The following USP28 variants were observed in gnomAD, a reference collection of about 807,000 sequenced individuals.
USP28 encodes the protein ubiquitin carboxyl-terminal hydrolase 28.
USP28 carries 113 observed loss-of-function variants against 145.0 expected under a neutral mutation model. That is an observed-to-expected ratio of 0.78 (90% CI 0.67 to 0.91). The LOEUF is 0.91. USP28 is among the 40% of genes least tolerant of loss of function. The probability of loss-of-function intolerance (pLI) is 0.00; values close to 1 mark genes in which losing one functional copy is unlikely to be tolerated. For missense variants in USP28, 1,201 were observed against 1,289.6 expected, an observed-to-expected ratio of 0.93 and a Z score of 1.05; for synonymous variants, 447 against 450.9, an observed-to-expected ratio of 0.99 and a Z score of 0.11.
rs144510871 is a variant in USP28 at position 113,832,213 on chromosome 11, G to C, written c.760-220C>G. On this transcript the variant is annotated intron_variant, in intron 7 of 24. Transcript: ENST00000003302. ...CAGCCTCCACCTCCCAGATTCAAGC[G>C]ATTCTCCTGCCTCAGCCTCCCAAGT... Among the ~76,000 whole-genome samples the C allele has an allele frequency of 4.5e-3, 682 of 152,136 alleles. 7 individuals are homozygous for C. Among genetic ancestry groups the C allele is most frequent in the African/African-American group, 0.016 (644 of 41,514 alleles).
At chr11:113,874,942 A>G in intron 1 of USP28, 20 of 403,038 alleles carry the variant, frequency 5.0e-5, no homozygotes, top group Non-Finnish European at 6.0e-5. Flanking sequence ...CCGGGTTGGG[A>G]GGGAGGGAAG....
chr11:113,830,917 G>T, exon 9 of USP28: 2 of 1,613,978 alleles, frequency 1.2e-6, no homozygotes, highest in Non-Finnish European at 1.7e-6. Context: ...CTGCACCATT[G>T]GATTTTCAGA....
chr11:113,831,098 A>T (rs1156449481), intron 8 of USP28, 155 bp from the exon 9 acceptor site: 1 of 661,406 alleles, frequency 1.5e-6, no homozygotes, highest in Non-Finnish European at 2.6e-6. Flanking sequence ...TTCAGTTCAA[A>T]TATTTATTGA....
Position 113,837,179 on chromosome 11 carries a change from G to T in USP28, c.535-2844C>A, listed in dbSNP as rs551450351. On this transcript the variant is annotated intron_variant, in intron 5 of 24. Coordinates refer to ENST00000003302, the Ensembl canonical transcript of USP28. ...TTTTATTCAGCTAGTTCATCATTCT[G>T]TTAGTTTTTAGTTTACTGTTCATTT... is the stretch of plus-strand genomic sequence containing the variant. Among the ~76,000 whole-genome samples the T allele has an allele frequency of 3.3e-5, 5 of 152,268 alleles. No homozygotes were observed. In the South Asian group the frequency reaches 1.0e-3, roughly 32 times the overall value.
rs746646337 is a variant in USP28, at chr11:113,815,155, A to C, written c.1672+19T>G. The C allele has an allele frequency of 1.2e-6, 2 of 1,608,124 alleles. No homozygotes were observed. The highest frequency in any genetic ancestry group is 1.7e-6 in the Non-Finnish European group (2 of 1,178,232). On this transcript the variant is annotated intron_variant, in intron 14 of 24. Coordinates refer to ENST00000003302, the Ensembl canonical transcript of USP28. ...ACAGAAAAAGCAAAGAGTAACTGAC[A>C]AATTTTAAAAGAGCCAACCTTGTAT...
At chr11:113,818,842 C>T (rs1383592017) in intron 12 of USP28, among the ~76,000 whole-genome samples, 1 of 149,054 alleles carries the variant, frequency 6.7e-6, no homozygotes, top group Non-Finnish European at 1.5e-5. Flanking sequence ...GCCTGAGTGA[C>T]AGAGTGAGAC....
intron 1 of USP28, among the ~76,000 whole-genome samples, chr11:113,871,160 G>T (rs1029097025): frequency 6.6e-6 from 1 of 152,256 alleles, no homozygotes; most frequent in Middle Eastern, 3.4e-3. Context: ...ATCAACACGA[G>T]GTCATTGAAC....
chr11:113,839,970 C>T (rs899449347), intron 5 of USP28, among the ~76,000 whole-genome samples: 1 of 152,096 alleles, frequency 6.6e-6, no homozygotes, highest in Admixed American at 6.5e-5. Flanking sequence ...GAGCTGAGAT[C>T]GCACCACTGT....
intron 13 of USP28, 132 bp from the exon 14 acceptor site, chr11:113,815,514 C>A (rs898763600): frequency 1.3e-6 from 1 of 769,592 alleles, no homozygotes; most frequent in Non-Finnish European, 2.1e-6. Context: ...TATAAAGGTA[C>A]AGAGCCAACC....
At position 113,812,417 on chromosome 11, in the gene USP28, G is replaced by A; in HGVS notation, c.1831C>T (p.Gln611Ter). The A allele has an allele frequency of 6.2e-7, 1 of 1,614,126 alleles. No homozygotes were observed. Among genetic ancestry groups the A allele is most frequent in the Non-Finnish European group, 8.5e-7 (1 of 1,180,022 alleles). Reference sequence around the variant, plus strand: ...ATGTCATTGTACTTGAGCCAGCTCTGTCGGGGTTGATTATAGATATAGGCC... The same window carrying A: ...ATGTCATTGTACTTGAGCCAGCTCTATCGGGGTTGATTATAGATATAGGCC... Residue 611 changes from glutamine to a stop codon, truncating the protein, a stop_gained, in exon 16 of 25, where the codon CAG (glutamine) becomes TAG (stop). Transcript: ENST00000003302. LOFTEE classifies it high-confidence loss of function.
chr11:113,868,925 CAAA>C (rs58107096), intron 1 of USP28, among the ~76,000 whole-genome samples: 6 of 77,840 alleles, frequency 7.7e-5, no homozygotes, highest in African/African-American at 1.5e-4. Context: ...GACCATGTCT[CAAA>C]AAAAAAAAAA....
intron 13 of USP28, among the ~76,000 whole-genome samples, chr11:113,815,797 G>C (rs1237759486): frequency 6.6e-6 from 1 of 152,154 alleles, no homozygotes; most frequent in East Asian, 1.9e-4. Flanking sequence ...ATCAACTACA[G>C]AGTTTACAAG....
rs1388536017 is a variant in USP28 at position 113,874,628 on chromosome 11, T to C, written c.57+817A>G. On this transcript the variant is annotated intron_variant, in intron 1 of 24. Transcript: ENST00000003302. ...GTTTTCTCTTGAAAAAGTGCAGTAC[T>C]TGAGGGGTGAGGAGGTGGTGTTAAG... 7.0e-6 allele frequency: 9 copies of C among 1,287,100 alleles called. No individual in the cohort carries two copies. The East Asian group carries it at 5.0e-4, about 72-fold the overall frequency. 79.7% of individuals were successfully genotyped at this position (1,287,100 alleles called of 1,614,324 possible).
intron 3 of USP28, among the ~76,000 whole-genome samples, chr11:113,845,489 G>GA (rs1484169299): frequency 6.6e-6 from 1 of 151,996 alleles, no homozygotes; most frequent in African/African-American, 2.4e-5. Flanking sequence ...AACTGCTACA[G>GA]AAAACAGTAT....
intron 21 of USP28, among the ~76,000 whole-genome samples, 200 bp from the exon 23 acceptor site, chr11:113,804,077 G>A (rs1233514871): frequency 6.6e-6 from 1 of 151,914 alleles, no homozygotes; most frequent in Non-Finnish European, 1.5e-5. Flanking sequence ...TCAATGTTCT[G>A]TTCCTTTCAC....
In USP28 at chr11:113,833,400, G is replaced by A. The variant is rs764174467; in HGVS notation, c.759+20C>T. The A allele has an allele frequency of 1.2e-5, 20 of 1,608,474 alleles. No homozygotes were observed. The highest frequency in any genetic ancestry group is 1.6e-5 in the Non-Finnish European group (19 of 1,178,296). ...TGACAAGGCATGACTTCAAACTCAA[G>A]AACAAGGCTTCTTTTGTACCTGCTG... On this transcript the variant is annotated intron_variant, in intron 7 of 24. Coordinates refer to ENST00000003302, the Ensembl canonical transcript of USP28.
intron 9 of USP28, 141 bp downstream of exon 9, chr11:113,830,726 A>G: frequency 1.5e-6 from 1 of 651,422 alleles, no homozygotes; most frequent in Non-Finnish European, 2.5e-6. Flanking sequence ...ACAGTTAAAC[A>G]GATACCAAGA....
At chr11:113,873,638 A>T (rs1038897941) in intron 1 of USP28, among the ~76,000 whole-genome samples, 1 of 152,242 alleles carries the variant, frequency 6.6e-6, no homozygotes, top group Admixed American at 6.5e-5. Context: ...TCTCTAAATC[A>T]ATATGATAGT....
intron 11 of USP28, 107 bp downstream of exon 11, chr11:113,827,126 C>T: frequency 1.5e-6 from 2 of 1,361,058 alleles, no homozygotes; most frequent in Non-Finnish European, 9.9e-7. Context: ...TCCAAATTTG[C>T]ATATTATCAT....
Sources: allele counts gnomAD v4.1 joint callset (sites outside exome capture counted in the v4.1 genomes callset), GRCh38; gene constraint gnomAD v4.1.1; transcripts MANE v1.5; gene names NCBI Gene and HGNC (gene_info 2026-07-23, HGNC 2026-07-21).